SLC16A13: variants seen among roughly 807,000 people sequenced by gnomAD.
The protein encoded by SLC16A13 is solute carrier family 16 member 13, also known as monocarboxylate transporter 13.
SLC16A13 carries 28 observed loss-of-function variants against 28.1 expected under a neutral mutation model. That is an observed-to-expected ratio of 1.00 (90% confidence interval 0.74 to 1.37). The LOEUF (loss-of-function observed/expected upper bound fraction) is 1.37, where lower values mean the gene tolerates loss of function less well. Among genes scored for constraint, SLC16A13 ranks in the 40% most tolerant of loss-of-function variants. SLC16A13 has a pLI of 0.00. For missense variants in SLC16A13, 482 were observed against 531.8 expected, an observed-to-expected ratio of 0.91 and a Z score of 0.92; for synonymous variants, 228 against 241.6, an observed-to-expected ratio of 0.94 and a Z score of 0.52.
chr17:7,040,110 CA>C lies in SLC16A13; in HGVS notation c.*150del, dbSNP rs1227600529. 1.5e-6 allele frequency: 1 copy of C among 655,184 alleles called. No homozygotes were observed. The highest frequency in any genetic ancestry group is 2.8e-5 in the Admixed American group (1 of 35,348). The allele number at this position is 655,184 out of a possible 1,614,324, so 40.6% of individuals were successfully genotyped here. ...CCTGGGGCTCCTGCAATGTGTGTGC[CA>C]ACCCTTTGTATTTTGTTGAGGACTC... is the stretch of plus-strand genomic sequence containing the variant. On this transcript the variant is annotated 3_prime_UTR_variant, in exon 4 of 4. Transcript: ENST00000308027.
Position 7,038,895 on chromosome 17 carries a change from T to C in SLC16A13, c.1081+6T>C, listed in dbSNP as rs774706192. ...GCTGGGGCCTCCTCTCTCAGGTAAG[T>C]GGAATGGGGTTCCCAGGGGGTGAGG... On this transcript the variant is annotated splice_donor_region_variant and intron_variant, in intron 3 of 3. Coordinates refer to ENST00000308027, the MANE Select transcript of SLC16A13 (RefSeq NM_201566.3). This position sits in a 1 kb window ranked among gnomAD's most constrained non-coding sequence, Gnocchi z 5.7. 2.5e-6 allele frequency: 4 copies of C among 1,595,860 alleles called. No individual in the cohort carries two copies. Among genetic ancestry groups the C allele is most frequent in the Non-Finnish European group, 3.4e-6 (4 of 1,170,894 alleles).
intron 2 of SLC16A13, among the ~76,000 whole-genome samples, chr17:7,037,739 A>G (rs1394445641): frequency 1.3e-5 from 2 of 151,370 alleles, no homozygotes; most frequent in Non-Finnish European, 3.0e-5. Flanking sequence ...AAAAAAAAAG[A>G]AAAAAAAAGG....
In SLC16A13 at chr17:7,038,939, T is replaced by C. The variant is rs929848802; in HGVS notation, c.1081+50T>C. ...GGTGAGGGCTGCCATGTTGCACAAC[T>C]AGGGGAGGGTACTATTCTCATTACA... On this transcript the variant is annotated intron_variant, in intron 3 of 3. Transcript: ENST00000308027. The surrounding 1 kb of genome is among the most constrained non-coding windows in gnomAD (Gnocchi z 5.7). The C allele has an allele frequency of 1.9e-6, 3 of 1,555,458 alleles. No individual in the cohort carries two copies. Among genetic ancestry groups the C allele is most frequent in the African/African-American group, 2.7e-5 (2 of 73,380 alleles).
At position 7,036,322 on chromosome 17, in the gene SLC16A13, C is replaced by A; in HGVS notation, c.-61C>A. Reference sequence around the variant, plus strand: ...CAGCGGGGGTGGGTGTGCAGAGGTGCGGCGTCCAGAACCCGGCTCCTGCAG... The same window carrying A: ...CAGCGGGGGTGGGTGTGCAGAGGTGAGGCGTCCAGAACCCGGCTCCTGCAG... On this transcript the variant is annotated 5_prime_UTR_variant, in exon 1 of 4. Transcript: ENST00000308027. The A allele has an allele frequency of 6.6e-7, 1 of 1,514,278 alleles. No individual in the cohort carries two copies. Among genetic ancestry groups the A allele is most frequent in the Non-Finnish European group, 8.9e-7 (1 of 1,121,756 alleles). 93.8% of individuals were successfully genotyped at this position (1,514,278 alleles called of 1,614,324 possible). A position where few individuals can be genotyped will look rare whatever the true frequency, so the allele number is the denominator to read the frequency against.
Position 7,036,170 on chromosome 17 carries a change from A to C in SLC16A13, c.-213A>C. ...GCCCCCGGGAGACTCTGGCCCGGCC[A>C]GCGCGGGCCAGGTCTTCAGTCCTAT... On this transcript the variant is annotated 5_prime_UTR_variant, in exon 1 of 4. Coordinates refer to ENST00000308027, the MANE Select transcript of SLC16A13 (RefSeq NM_201566.3). The C allele has an allele frequency of 2.6e-5, 13 of 501,528 alleles. No homozygotes were observed. Among genetic ancestry groups the C allele is most frequent in the Non-Finnish European group, 2.5e-5 (7 of 284,778 alleles). The allele number at this position is 501,528 out of a possible 1,614,324, so 31.1% of individuals were successfully genotyped here.
rs778980333 is a variant in SLC16A13, at chr17:7,038,594, C to T, written c.786C>T (p.Asp262=). 2.5e-6 allele frequency: 4 copies of T among 1,614,090 alleles called. No homozygotes were observed. The South Asian group carries it at 4.4e-5, about 18-fold the overall frequency. The part of the protein sequence containing the change: ...AFLLSVVAIS[D]LVGRVVSGWL... ...TACTCTCAGTTGTTGCTATTTCTGA[C>T]CTCGTGGGGCGTGTGGTCTCCGGAT... The change falls in exon 3 of 4, where the codon GAC becomes GAT. Residue 262 remains aspartate (D), a synonymous_variant. Coordinates refer to ENST00000308027, the MANE Select transcript of SLC16A13 (RefSeq NM_201566.3). This position sits in a 1 kb window ranked among gnomAD's most constrained non-coding sequence, Gnocchi z 5.7.
At position 7,038,119 on chromosome 17, in the gene SLC16A13, G is replaced by C. The variant is rs751471412; in HGVS notation, c.344-33G>C. The C allele has an allele frequency of 1.3e-6, 2 of 1,588,776 alleles. No homozygotes were observed. The highest frequency in any genetic ancestry group is 3.4e-5 in the Admixed American group (2 of 58,518). On this transcript the variant is annotated intron_variant, in intron 2 of 3. Coordinates refer to ENST00000308027, the MANE Select transcript of SLC16A13 (RefSeq NM_201566.3). The surrounding 1 kb of genome is among the most constrained non-coding windows in gnomAD (Gnocchi z 5.7). ...TTACTGTGTGCCTTGAGCTCCCTAA[G>C]AGTTCTCAACACCACTTCTTCCTTT...
intron 2 of SLC16A13, among the ~76,000 whole-genome samples, chr17:7,037,570 C>CA (rs1324547436): frequency 1.3e-5 from 2 of 151,514 alleles, no homozygotes; most frequent in African/African-American, 2.4e-5. Flanking sequence ...ACTAAAAACA[C>CA]AAAAAATTAG....
chr17:7,038,031 T>G lies in SLC16A13; in HGVS notation c.344-121T>G. On this transcript the variant is annotated intron_variant, in intron 2 of 3. Transcript: ENST00000308027. This position sits in a 1 kb window ranked among gnomAD's most constrained non-coding sequence, Gnocchi z 5.7. ...AGCTATGAAGTATCCAAGCCAAGATTGTATCCCAGGTCTGTGGGACTCCGA... is the reference window on the plus strand; with the variant it reads ...AGCTATGAAGTATCCAAGCCAAGATGGTATCCCAGGTCTGTGGGACTCCGA... The G allele has an allele frequency of 8.3e-7, 1 of 1,206,798 alleles. No individual in the cohort carries two copies. The highest frequency in any genetic ancestry group is 1.2e-6 in the Non-Finnish European group (1 of 862,352). 74.8% of individuals were successfully genotyped at this position (1,206,798 alleles called of 1,614,324 possible). A position where few individuals can be genotyped will look rare whatever the true frequency, so the allele number is the denominator to read the frequency against.
Position 7,036,329 on chromosome 17 carries a change from C to CAGAA in SLC16A13, c.-53_-50dup. On this transcript the variant is annotated 5_prime_UTR_variant, in exon 1 of 4. Coordinates refer to ENST00000308027, the MANE Select transcript of SLC16A13 (RefSeq NM_201566.3). ...GGTGGGTGTGCAGAGGTGCGGCGTCCAGAACCCGGCTCCTGCAGAGGCTCT... is the reference window on the plus strand; with the variant it reads ...GGTGGGTGTGCAGAGGTGCGGCGTCCAGAAAGAACCCGGCTCCTGCAGAGGCTCT... 1 of 1,544,772 alleles carries CAGAA rather than the reference C, an allele frequency of 6.5e-7. No individual in the cohort carries two copies.
At chr17:7,037,265 C>A (rs1208266837) in intron 2 of SLC16A13, among the ~76,000 whole-genome samples, 3 of 124,796 alleles carry the variant, frequency 2.4e-5, no homozygotes, top group Non-Finnish European at 4.9e-5. Context: ...TCGCTTGAAC[C>A]CGGGAGGCGG....
rs559079230 is a variant in SLC16A13, at chr17:7,039,019, C to G, written c.1081+130C>G. ...TACAGTACACAGCCTGCGTGGCCAACCATAGCATCCCTGAAATGGGTCCAT... is the reference window on the plus strand; with the variant it reads ...TACAGTACACAGCCTGCGTGGCCAAGCATAGCATCCCTGAAATGGGTCCAT... On this transcript the variant is annotated intron_variant, in intron 3 of 3. Coordinates refer to ENST00000308027, the MANE Select transcript of SLC16A13 (RefSeq NM_201566.3). The surrounding 1 kb of genome is among the most constrained non-coding windows in gnomAD (Gnocchi z 4.3). 3.3e-6 allele frequency: 4 copies of G among 1,217,918 alleles called. No individual in the cohort carries two copies. In the South Asian group the frequency reaches 6.7e-5, roughly 20 times the overall value. 75.4% of individuals were successfully genotyped at this position (1,217,918 alleles called of 1,614,324 possible).
At position 7,038,234 on chromosome 17, in the gene SLC16A13, G is replaced by T; in HGVS notation, c.426G>T (p.Gly142=). The T allele has an allele frequency of 1.2e-6, 2 of 1,614,116 alleles. No individual in the cohort carries two copies. Among genetic ancestry groups the T allele is most frequent in the South Asian group, 2.2e-5 (2 of 91,084 alleles). ...CTCGCCGACGATCCCTGGCCACCGG[G>T]CTGGCACTGACAGGCGTGGGCCTCT... The part of the protein sequence containing the change: ...YFSRRRSLAT[G]LALTGVGLSS... The change falls in exon 3 of 4, where the codon GGG becomes GGT. Residue 142 remains glycine, a synonymous_variant. Transcript: ENST00000308027. This position sits in a 1 kb window ranked among gnomAD's most constrained non-coding sequence, Gnocchi z 5.7.
At position 7,039,467 on chromosome 17, in the gene SLC16A13, A is replaced by AC. The variant is rs199571807; in HGVS notation, c.1082-296_1082-295insC. ...AGAGCGAGACTCCGTCTCAAAAAAA[A>AC]AAAAAAAAGAAAGGCCACAGTTGCC... On this transcript the variant is annotated intron_variant, in intron 3 of 3. Transcript: ENST00000308027. This position sits in a 1 kb window ranked among gnomAD's most constrained non-coding sequence, Gnocchi z 4.3. Among the ~76,000 whole-genome samples the AC allele has an allele frequency of 9.9e-3, 1,501 of 152,116 alleles. 16 individuals are homozygous for AC. Among genetic ancestry groups the AC allele is most frequent in the African/African-American group, 0.027 (1,114 of 41,452 alleles).
Position 7,036,514 on chromosome 17 carries a change from G to A in SLC16A13, c.132G>A (p.Ala44=). 2 of 1,612,538 alleles carry A rather than the reference G, an allele frequency of 1.2e-6. No individual in the cohort carries two copies. The highest frequency in any genetic ancestry group is 1.1e-5 in the South Asian group (1 of 91,012). Reference sequence around the variant, plus strand: ...TCTTCTTCGTGGAGTTTGTGGCGGCGTTTGAGGAGCAGGCAGCGCGCGTCT... The same window carrying A: ...TCTTCTTCGTGGAGTTTGTGGCGGCATTTGAGGAGCAGGCAGCGCGCGTCT... ...FGVFFVEFVA[A]FEEQAARVSW... Residue 44 remains alanine, a synonymous_variant, in exon 1 of 4, where the codon GCG becomes GCA. Transcript: ENST00000308027.
rs1567731944 is a variant in SLC16A13, at chr17:7,036,536, G to T, written c.154G>T (p.Val52Phe). 6.2e-7 allele frequency: 1 copy of T among 1,612,398 alleles called. No individual in the cohort carries two copies. Among genetic ancestry groups the T allele is most frequent in the African/African-American group, 1.3e-5 (1 of 74,892 alleles). The change falls in exon 1 of 4, where the codon GTC (valine) becomes TTC (phenylalanine). Residue 52 changes from valine to phenylalanine, a missense_variant. Transcript: ENST00000308027. Reference sequence around the variant, plus strand: ...GGCGTTTGAGGAGCAGGCAGCGCGCGTCTCCTGGATCGCCTCCATAGGAAT... The same window carrying T: ...GGCGTTTGAGGAGCAGGCAGCGCGCTTCTCCTGGATCGCCTCCATAGGAAT... ...VAAFEEQAARVSWIASIGIAV... is the reference protein window; with the variant it reads ...VAAFEEQAARFSWIASIGIAV...
In SLC16A13 at chr17:7,036,417, G is replaced by A. The variant is rs879530307; in HGVS notation, c.35G>A (p.Trp12Ter). 6.2e-7 allele frequency: 1 copy of A among 1,611,880 alleles called. No homozygotes were observed. Among genetic ancestry groups the A allele is most frequent in the Admixed American group, 1.7e-5 (1 of 59,950 alleles). Residue 12 changes from tryptophan to a stop codon, truncating the protein, a stop_gained, in exon 1 of 4, where the codon TGG (tryptophan) becomes TAG (stop). Transcript: ENST00000308027. LOFTEE classifies it high-confidence loss of function. ...ARRTEPPDGG[W>*]GWVVVLSAFF... ...AGGACAGAGCCCCCCGACGGGGGCT[G>A]GGGATGGGTGGTGGTGCTCTCAGCG...
Position 7,038,855 on chromosome 17 carries a change from G to A in SLC16A13, c.1047G>A (p.Glu349=), listed in dbSNP as rs187328976. Residue 349 remains glutamate (E), a synonymous_variant, in exon 3 of 4, where the codon GAG becomes GAA. Coordinates refer to ENST00000308027, the MANE Select transcript of SLC16A13 (RefSeq NM_201566.3). The surrounding 1 kb of genome is among the most constrained non-coding windows in gnomAD (Gnocchi z 5.7). ...YCGLGLLQMI[E]SIGGLLGPPL... Reference sequence around the variant, plus strand: ...GCCTGGGACTGTTGCAGATGATAGAGAGCATCGGGGGGCTGCTGGGGCCTC... The same window carrying A: ...GCCTGGGACTGTTGCAGATGATAGAAAGCATCGGGGGGCTGCTGGGGCCTC... The A allele has an allele frequency of 6.2e-7, 1 of 1,612,392 alleles. No individual in the cohort carries two copies. The highest frequency in any genetic ancestry group is 2.2e-5 in the East Asian group (1 of 44,876).
chr17:7,036,869 A>G lies in SLC16A13; in HGVS notation c.342A>G (p.Ser114=). 1 of 1,612,128 alleles carries G rather than the reference A, an allele frequency of 6.2e-7. No homozygotes were observed. Among genetic ancestry groups the G allele is most frequent in the Non-Finnish European group, 8.5e-7 (1 of 1,179,970 alleles). ...THLYLSIGLL[S]GSGWALTFAP... ...TATACCTGAGTATTGGGTTGCTGTC[A>G]GGTGAGAGCCTGCACAAGGGCAGGA... The change falls in exon 2 of 4, where the codon TCA becomes TCG. Residue 114 remains serine (S), a splice_region_variant and synonymous_variant. Coordinates refer to ENST00000308027, the MANE Select transcript of SLC16A13 (RefSeq NM_201566.3).
Sources: gnomAD v4.1 joint callset for allele counts (sites outside exome capture counted in the v4.1 genomes callset) on GRCh38, gnomAD v4.1.1 for gene constraint, Gnocchi (gnomAD v3.1) non-coding constraint, MANE v1.5 for transcripts, NCBI Gene and HGNC (gene_info 2026-07-23, HGNC 2026-07-21) for gene names.